SNIP1: variants seen among roughly 807,000 people sequenced by gnomAD.
SNIP1 encodes the protein smad nuclear-interacting protein 1.
A neutral mutation model predicts 37.4 loss-of-function variants in SNIP1; 23 were observed. That is an observed-to-expected ratio of 0.61 (90% CI 0.44 to 0.87). The LOEUF is 0.87. Among genes scored for constraint, SNIP1 ranks in the 40% least tolerant of loss-of-function variants. The probability of loss-of-function intolerance (pLI) is 0.00; values close to 1 mark genes in which losing one functional copy is unlikely to be tolerated. For missense variants in SNIP1, 459 were observed against 540.4 expected (o/e 0.85, Z 1.49); for synonymous variants, 174 against 200.0 (o/e 0.87, Z 1.10).
At chr1:37,548,411 G>A (rs1424938722) in intron 2 of SNIP1, among the ~76,000 whole-genome samples, 1 of 151,458 alleles carries the variant, frequency 6.6e-6, no homozygotes, top group Non-Finnish European at 1.5e-5. Flanking sequence ...CGCCTCCCAG[G>A]TTCAAGTGAT....
chr1:37,539,889 G>A (rs775563018), intron 3 of SNIP1, among the ~76,000 whole-genome samples: 14 of 152,170 alleles, frequency 9.2e-5, no homozygotes, highest in Admixed American at 6.5e-4. Flanking sequence ...GGAGGTTGCC[G>A]CTGGAGTGAG....
Position 37,544,851 on chromosome 1 carries a change from A to T in SNIP1, c.328-4096T>A, listed in dbSNP as rs539953860. Reference sequence around the variant, plus strand: ...GTGGAGCTCTATGCCTCCTACATCTACCTGTCCATGTCTTACTACTTTGAC... The same window carrying T: ...GTGGAGCTCTATGCCTCCTACATCTTCCTGTCCATGTCTTACTACTTTGAC... On this transcript the variant is annotated intron_variant, in intron 2 of 3. Coordinates refer to ENST00000296215, the MANE Select transcript of SNIP1 (RefSeq NM_024700.4). 85 of 809,760 alleles carry T rather than the reference A, an allele frequency of 1.0e-4. 1 individual carries two copies. The South Asian group carries it at 1.1e-3, about 10-fold the overall frequency. 50.2% of individuals were successfully genotyped at this position (809,760 alleles called of 1,614,324 possible).
At chr1:37,548,556 C>T (rs985075660) in intron 2 of SNIP1, among the ~76,000 whole-genome samples, 3 of 151,944 alleles carry the variant, frequency 2.0e-5, no homozygotes, top group Non-Finnish European at 4.4e-5. Context: ...GTGATCCACC[C>T]GCCTCGGCCT....
chr1:37,540,762 T>C lies in SNIP1; in HGVS notation c.328-7A>G, dbSNP rs1643165298. 1.3e-6 allele frequency: 2 copies of C among 1,571,150 alleles called. No individual in the cohort carries two copies. ...GGGGATGATCCTCACGCTCCTAAAA[T>C]TCAAACAGATTCTGTAATTTAAACG... On this transcript the variant is annotated splice_polypyrimidine_tract_variant and splice_region_variant and intron_variant, in intron 2 of 3. Coordinates refer to ENST00000296215, the MANE Select transcript of SNIP1 (RefSeq NM_024700.4). The surrounding 1 kb of genome is among the most constrained non-coding windows in gnomAD (Gnocchi z 5.6).
At chr1:37,550,662 G>A (rs1451801957) in intron 2 of SNIP1, among the ~76,000 whole-genome samples, 2 of 151,344 alleles carry the variant, frequency 1.3e-5, no homozygotes, top group African/African-American at 2.4e-5. Flanking sequence ...AGCTGAGATC[G>A]CGCCATTACA....
chr1:37,548,152 CAAAAAAAAA>C (rs35503081), intron 2 of SNIP1, among the ~76,000 whole-genome samples: 4 of 65,348 alleles, frequency 6.1e-5, no homozygotes, highest in African/African-American at 6.9e-5. Flanking sequence ...GACTCCATAT[CAAAAAAAAA>C]AAAAAAAAAA....
intron 2 of SNIP1, chr1:37,541,453 A>T (rs1202854068): frequency 1.3e-5 from 2 of 152,160 alleles, no homozygotes; most frequent in African/African-American, 4.8e-5. Context: ...ACCTGAGGTC[A>T]GGAGTTCCAG....
chr1:37,551,571 C>T (rs1643302587), intron 2 of SNIP1, among the ~76,000 whole-genome samples: 1 of 152,120 alleles, frequency 6.6e-6, no homozygotes, highest in Admixed American at 6.5e-5. Flanking sequence ...GGGCCCTAAT[C>T]CAATATGGCT....
chr1:37,549,300 G>C (rs999654770), intron 2 of SNIP1, among the ~76,000 whole-genome samples: 1 of 152,114 alleles, frequency 6.6e-6, no homozygotes, highest in Non-Finnish European at 1.5e-5. Context: ...TATCAAAGAT[G>C]ATCTAAATAA....
At chr1:37,548,695 C>G (rs761122018) in intron 2 of SNIP1, 1 of 148,898 alleles carries the variant, frequency 6.7e-6, no homozygotes, top group Non-Finnish European at 1.5e-5. Flanking sequence ...GCAGAGATTG[C>G]GCCACTCCAG....
chr1:37,543,965 T>C (rs916186770), intron 2 of SNIP1, among the ~76,000 whole-genome samples: 1 of 151,312 alleles, frequency 6.6e-6, no homozygotes, highest in Non-Finnish European at 1.5e-5. Context: ...CTGGTCAACA[T>C]GGTGAAACCG....
chr1:37,538,012 C>G lies in SNIP1; in HGVS notation c.927G>C (p.Arg309=). ...CATCAGCACGGGTATATTCCACAAG[C>G]CTAGCAGAAAAAAAGGAGAAACCTG... The part of the protein sequence containing the change: ...CSKQHAVFQY[R]LVEYTRADGT... The change falls in exon 4 of 4, where the codon CGG becomes CGC. Residue 309 remains arginine (R), a splice_region_variant and synonymous_variant. Coordinates refer to ENST00000296215, the MANE Select transcript of SNIP1 (RefSeq NM_024700.4). The G allele has an allele frequency of 6.3e-7, 1 of 1,581,606 alleles. No homozygotes were observed.
Position 37,554,082 on chromosome 1 carries a change from C to T in SNIP1, c.148G>A (p.Gly50Ser), listed in dbSNP as rs369321132. The change falls in exon 1 of 4, where the codon GGT becomes AGT. Residue 50 changes from glycine to serine, a missense_variant. By Grantham distance (56) the Gly-to-Ser change is moderately conservative. Transcript: ENST00000296215. ...CTGGTCGGCGGAGACGGGCTACCAC[C>T]GGAGTGGTCCGGACGGCGGTGGGCG... ...PPAHRRPDHS[G>S]GSPSPPTSEP... 4.4e-6 allele frequency: 7 copies of T among 1,607,486 alleles called. No individual in the cohort carries two copies. The East Asian group carries it at 1.3e-4, about 31-fold the overall frequency.
intron 2 of SNIP1, among the ~76,000 whole-genome samples, chr1:37,552,282 T>A (rs1457361104): frequency 1.3e-5 from 2 of 152,106 alleles, no homozygotes; most frequent in South Asian, 2.1e-4. Context: ...TTCCTTGCGG[T>A]GAAGGAAATG....
At chr1:37,545,042 C>T in intron 2 of SNIP1, 6 of 756,712 alleles carry the variant, frequency 7.9e-6, no homozygotes, top group South Asian at 6.7e-5. Flanking sequence ...GGAGAGCAGG[C>T]TGAATGCGAT....
chr1:37,544,488 A>G (rs1173400824), intron 2 of SNIP1, among the ~76,000 whole-genome samples: 5 of 151,814 alleles, frequency 3.3e-5, no homozygotes, highest in Non-Finnish European at 7.4e-5. Flanking sequence ...CAAGTCTTAT[A>G]GATGTAGATC....
intron 2 of SNIP1, among the ~76,000 whole-genome samples, chr1:37,542,700 A>G (rs2148113797): frequency 6.6e-6 from 1 of 152,274 alleles, no homozygotes; most frequent in South Asian, 2.1e-4. Context: ...AGATTCCACC[A>G]CTGCACTACA....
chr1:37,550,982 C>G (rs1643293280), intron 2 of SNIP1, among the ~76,000 whole-genome samples: 1 of 150,752 alleles, frequency 6.6e-6, no homozygotes. Context: ...GTAATCCCAG[C>G]TACTCAGGAG....
chr1:37,551,819 T>A (rs1189569796), intron 2 of SNIP1, among the ~76,000 whole-genome samples: 1 of 152,222 alleles, frequency 6.6e-6, no homozygotes, highest in Admixed American at 6.5e-5. Context: ...TGGAAAACAG[T>A]CTGGCAATTT....
Sources: gnomAD v4.1 joint callset for allele counts (sites outside exome capture counted in the v4.1 genomes callset) on GRCh38, gnomAD v4.1.1 for gene constraint, Gnocchi (gnomAD v3.1) non-coding constraint, MANE v1.5 for transcripts, NCBI Gene and HGNC (gene_info 2026-07-23, HGNC 2026-07-21) for gene names.